CHST15: variants seen among roughly 807,000 people sequenced by gnomAD.
CHST15 encodes the protein carbohydrate sulfotransferase 15.
In CHST15, 30 loss-of-function variants were observed where a neutral mutation model predicts 53.6. That is an observed-to-expected ratio of 0.56 (90% confidence interval 0.42 to 0.76). The LOEUF is 0.76. CHST15 is among the 30% of genes least tolerant of loss of function. The pLI, the probability that CHST15 is intolerant of heterozygous loss-of-function variation, is 0.00. For missense variants in CHST15, 627 were observed against 740.5 expected, an observed-to-expected ratio of 0.85 and a Z score of 1.78; for synonymous variants, 296 against 289.8, an observed-to-expected ratio of 1.02 and a Z score of -0.22.
intron 6 of CHST15, among the ~76,000 whole-genome samples, chr10:124,016,100 C>T (rs1229968899): frequency 1.3e-5 from 2 of 152,134 alleles, no homozygotes; most frequent in East Asian, 1.9e-4. Flanking sequence ...CCAGGCTTCT[C>T]GGGACCCTGC....
chr10:124,057,122 C>T (rs184024779), intron 1 of CHST15, among the ~76,000 whole-genome samples: 1 of 152,358 alleles, frequency 6.6e-6, no homozygotes, highest in African/African-American at 2.4e-5. Flanking sequence ...CCTGGCTGGT[C>T]ACCCTGAGCA....
intron 7 of CHST15, chr10:124,011,349 G>A: frequency 1.0e-6 from 1 of 968,536 alleles, no homozygotes; most frequent in Non-Finnish European, 1.2e-6. Context: ...TAATGGGACA[G>A]AGTCAACATG....
intron 4 of CHST15, 41 bp from the exon 5 acceptor site, chr10:124,038,712 C>T (rs1398089399): frequency 6.2e-7 from 1 of 1,604,504 alleles, no homozygotes; most frequent in Admixed American, 1.7e-5. Context: ...GGGTGTGATT[C>T]AGGCTCCCAC....
intron 6 of CHST15, among the ~76,000 whole-genome samples, chr10:124,018,207 G>C (rs997198661): frequency 6.6e-6 from 1 of 152,218 alleles, no homozygotes; most frequent in Non-Finnish European, 1.5e-5. Flanking sequence ...TGACCCTCAG[G>C]GGACAAAGGT....
Position 124,042,358 on chromosome 10 carries a change from G to A in CHST15, c.976C>T (p.Gln326Ter), listed in dbSNP as rs1947772243. The change falls in exon 4 of 8, where the codon CAA becomes TAA. Residue 326 changes from glutamine to a stop codon, truncating the protein, a stop_gained. Transcript: ENST00000435907. LOFTEE classifies it high-confidence loss of function. The part of the protein sequence containing the change: ...LFDLAAHQIH[Q>*]GLQASSAKEQ... ...TTTGCAGAGCTGGCCTGCAGTCCTT[G>A]ATGGATCTGGTGTGCGGCCAGGTCA... 1.2e-6 allele frequency: 2 copies of A among 1,614,228 alleles called. No homozygotes were observed. The highest frequency in any genetic ancestry group is 8.5e-7 in the Non-Finnish European group (1 of 1,180,032).
At chr10:124,022,915 C>G (rs776974026) in intron 5 of CHST15, among the ~76,000 whole-genome samples, 6 of 147,138 alleles carry the variant, frequency 4.1e-5, no homozygotes, top group African/African-American at 7.6e-5. Flanking sequence ...CTCCTGGGTT[C>G]AAGCGATTCT....
chr10:124,056,625 T>C (rs978447309), intron 1 of CHST15, among the ~76,000 whole-genome samples: 8 of 152,178 alleles, frequency 5.3e-5, no homozygotes, highest in Non-Finnish European at 1.0e-4. Flanking sequence ...TCAGTTACCT[T>C]TGCAGCTGAG....
At position 124,021,246 on chromosome 10, in the gene CHST15, G is replaced by GGGGC. The variant is rs1554903204; in HGVS notation, c.1347+9_1347+10insGCCC. On this transcript the variant is annotated intron_variant, in intron 6 of 7. Coordinates refer to ENST00000435907, the MANE Select transcript of CHST15 (RefSeq NM_001270764.2). ...CCAGCTCGGGGGGTACGGGGGGGGG[G>GGGGC]GGTACACACAGGCATGGCGTTGTTG... The GGGGC allele has an allele frequency of 2.2e-3, 3,472 of 1,559,392 alleles. 24 individuals carry two copies. In the East Asian group the frequency reaches 0.051, roughly 23 times the overall value.
chr10:124,027,836 C>G (rs547323641), intron 5 of CHST15, among the ~76,000 whole-genome samples: 2 of 152,222 alleles, frequency 1.3e-5, no homozygotes, highest in African/African-American at 2.4e-5. Context: ...CAAACCCAGG[C>G]CTGCCTGACC....
rs983254233 is a variant in CHST15, at chr10:124,008,162, A to G, written c.*1987T>C. On this transcript the variant is annotated 3_prime_UTR_variant, in exon 8 of 8. Coordinates refer to ENST00000435907, the MANE Select transcript of CHST15 (RefSeq NM_001270764.2). ...ACCACATGTTATTCACATGCATAGG[A>G]GTGCATAAGAAAAATCCCTTGTTGT... The G allele has an allele frequency of 8.1e-7, 1 of 1,230,652 alleles. No homozygotes were observed. The highest frequency in any genetic ancestry group is 1.0e-6 in the Non-Finnish European group (1 of 987,580). The allele number at this position is 1,230,652 out of a possible 1,614,324, so 76.2% of individuals were successfully genotyped here. A position where few individuals can be genotyped will look rare whatever the true frequency, so the allele number is the denominator to read the frequency against.
intron 1 of CHST15, among the ~76,000 whole-genome samples, chr10:124,070,268 T>C (rs914538503): frequency 3.3e-5 from 5 of 152,188 alleles, no homozygotes; most frequent in Non-Finnish European, 7.3e-5. Context: ...GGGAAATGCA[T>C]ATGCCCACCT....
intron 1 of CHST15, among the ~76,000 whole-genome samples, chr10:124,059,517 T>A (rs1185612172): frequency 6.6e-6 from 1 of 151,706 alleles, no homozygotes; most frequent in Non-Finnish European, 1.5e-5. Flanking sequence ...GTCCCCAGAG[T>A]CCCCTTGCCC....
intron 1 of CHST15, among the ~76,000 whole-genome samples, chr10:124,078,994 A>T (rs1290946601): frequency 6.6e-6 from 1 of 152,244 alleles, no homozygotes; most frequent in Non-Finnish European, 1.5e-5. Flanking sequence ...TAGGAGTGCC[A>T]AGAGATTATG....
chr10:124,076,672 G>T (rs1949081349), intron 1 of CHST15, among the ~76,000 whole-genome samples: 1 of 152,026 alleles, frequency 6.6e-6, no homozygotes, highest in South Asian at 2.1e-4. Context: ...ACCCTATACA[G>T]AATGTATTGT....
At chr10:124,063,867 G>A (rs893192774) in intron 1 of CHST15, among the ~76,000 whole-genome samples, 6 of 152,312 alleles carry the variant, frequency 3.9e-5, no homozygotes, top group African/African-American at 1.4e-4. Flanking sequence ...AGTAGAGAGG[G>A]GAAGGGAGAA....
chr10:124,028,395 G>T (rs1437047594), intron 5 of CHST15, among the ~76,000 whole-genome samples: 1 of 152,142 alleles, frequency 6.6e-6, no homozygotes, highest in African/African-American at 2.4e-5. Flanking sequence ...CACTAGTTTG[G>T]GAAAACCTCT....
In CHST15 at chr10:124,009,215, A is replaced by C. The variant is rs1329614744; in HGVS notation, c.*934T>G. The C allele has an allele frequency of 6.2e-6, 7 of 1,131,668 alleles. No individual in the cohort carries two copies. In the Admixed American group the frequency reaches 2.0e-4, roughly 32 times the overall value. The allele number at this position is 1,131,668 out of a possible 1,614,324, so 70.1% of individuals were successfully genotyped here. On this transcript the variant is annotated 3_prime_UTR_variant, in exon 8 of 8. Coordinates refer to ENST00000435907, the MANE Select transcript of CHST15 (RefSeq NM_001270764.2). The stretch of plus-strand genomic sequence containing the variant: ...CCTGATGAGGGCTTGAATTACCTAG[A>C]TTTTCCAAGAAGTGTTCAATTCCTT...
intron 1 of CHST15, among the ~76,000 whole-genome samples, chr10:124,066,896 A>C (rs116916699): frequency 0.02 from 2,977 of 152,352 alleles, 48 homozygotes; most frequent in Non-Finnish European, 0.031. Context: ...ACTTTTGGTG[A>C]CAGCACATGC....
chr10:124,012,643 G>A (rs1946452574), intron 6 of CHST15, among the ~76,000 whole-genome samples, 163 bp from the exon 7 acceptor site: 1 of 152,188 alleles, frequency 6.6e-6, no homozygotes, highest in African/African-American at 2.4e-5. Flanking sequence ...GCTTCTTTAT[G>A]GGGGGTTTTG....
Sources: allele counts gnomAD v4.1 joint callset (sites outside exome capture counted in the v4.1 genomes callset), GRCh38; gene constraint gnomAD v4.1.1; transcripts MANE v1.5; gene names NCBI Gene and HGNC (gene_info 2026-07-23, HGNC 2026-07-21).